The following MISP variants were observed in gnomAD, a reference collection of about 807,000 sequenced individuals.
MISP encodes the protein mitotic interactor and substrate of PLK1.
Under a neutral mutation model 49.3 loss-of-function variants are expected in MISP, and 51 were observed. The ratio of observed to expected loss-of-function variants is 1.03; its 90% CI spans 0.83 to 1.31. The LOEUF (loss-of-function observed/expected upper bound fraction) is 1.31, where lower values mean the gene tolerates loss of function less well. Among genes scored for constraint, MISP ranks in the 50% most tolerant of loss-of-function variants. The pLI is 0.00. For synonymous variants in MISP, 444 were observed against 392.6 expected (o/e 1.13, Z -1.55); for missense variants, 1,084 against 935.1 (o/e 1.16, Z -2.08).
chr19:758,226 C>A lies in MISP; in HGVS notation c.1280C>A (p.Pro427Gln), dbSNP rs769569779. Residue 427 changes from proline to glutamine, a missense_variant, in exon 2 of 5, where the codon CCG (proline) becomes CAG (glutamine). Coordinates refer to ENST00000215582, the MANE Select transcript of MISP (RefSeq NM_173481.4). ...VNRIPPDAYQ[P>Q]YLSPGTPQLE... ...CGCATCCCACCTGATGCCTACCAGC[C>A]GTACCTGAGCCCCGGGACCCCCCAG... 8 of 1,613,188 alleles carry A rather than the reference C, an allele frequency of 5.0e-6. No homozygotes were observed. The highest frequency in any genetic ancestry group is 1.7e-5 in the Admixed American group (1 of 59,992).
intron 1 of MISP, among the ~76,000 whole-genome samples, chr19:752,422 G>C (rs2033473871): frequency 6.6e-6 from 1 of 152,116 alleles, no homozygotes; most frequent in South Asian, 2.1e-4. Flanking sequence ...TACTTGGGAG[G>C]CTGAGGCAGG....
In MISP at chr19:763,657, C is replaced by T; in HGVS notation, c.*67C>T. On this transcript the variant is annotated 3_prime_UTR_variant, in exon 5 of 5. Coordinates refer to ENST00000215582, the MANE Select transcript of MISP (RefSeq NM_173481.4). ...TCGTGGGAACTGCCAAGACCATCGC[C>T]AAGCCCCCACCCTAGGAAATGGGTC... 8.6e-7 allele frequency: 1 copy of T among 1,156,718 alleles called. No individual in the cohort carries two copies. The highest frequency in any genetic ancestry group is 1.3e-6 in the Non-Finnish European group (1 of 785,818). 71.7% of individuals were successfully genotyped at this position (1,156,718 alleles called of 1,614,324 possible). A position where few individuals can be genotyped will look rare whatever the true frequency, so the allele number is the denominator to read the frequency against.
upstream of MISP, among the ~76,000 whole-genome samples, chr19:750,154 G>A (rs2033437032): frequency 1.3e-5 from 2 of 151,306 alleles, no homozygotes; most frequent in Middle Eastern, 3.4e-3. Flanking sequence ...CATCTCTCGG[G>A]GTGGCCTGGG....
chr19:758,635 G>C lies in MISP; in HGVS notation c.1689G>C (p.Glu563Asp). Residue 563 changes from glutamate (E) to aspartate (D), a missense_variant, in exon 2 of 5, where the codon GAG becomes GAC. Glu to Asp is a conservative substitution (Grantham distance 45, BLOSUM62 2). Transcript: ENST00000215582. ...TGCGCCGGGAGCAAGAGGTGGCAGAGGAGCGGAGAAATGCTCTCTTCCCAG... is the reference window on the plus strand; with the variant it reads ...TGCGCCGGGAGCAAGAGGTGGCAGACGAGCGGAGAAATGCTCTCTTCCCAG... ...SVLRREQEVAEERRNALFPEV... is the reference protein window; with the variant it reads ...SVLRREQEVADERRNALFPEV... The C allele has an allele frequency of 6.2e-7, 1 of 1,614,240 alleles. No homozygotes were observed. Among genetic ancestry groups the C allele is most frequent in the Non-Finnish European group, 8.5e-7 (1 of 1,180,036 alleles).
At chr19:752,929 A>G (rs894968441) in intron 1 of MISP, among the ~76,000 whole-genome samples, 1 of 151,928 alleles carries the variant, frequency 6.6e-6, no homozygotes, top group African/African-American at 2.4e-5. Flanking sequence ...AATGAGCCCG[A>G]CCCCCACGTC....
chr19:759,940 T>A lies in MISP; in HGVS notation c.1812T>A (p.Ser604=), dbSNP rs2033645296. The A allele has an allele frequency of 6.2e-7, 1 of 1,613,878 alleles. No homozygotes were observed. Among genetic ancestry groups the A allele is most frequent in the African/African-American group, 1.3e-5 (1 of 74,860 alleles). The change falls in exon 3 of 5, where the codon TCT becomes TCA. Residue 604 remains serine, a synonymous_variant. Transcript: ENST00000215582. ...CGGGCAGTTACTCGGTGTCTGAGTC[T>A]CCCTTCTTCAGCCCCATCCACCTAC... ...GITGSYSVSE[S]PFFSPIHLHS...
Sources: allele counts gnomAD v4.1 joint callset (sites outside exome capture counted in the v4.1 genomes callset), GRCh38; gene constraint gnomAD v4.1.1; transcripts MANE v1.5; gene names NCBI Gene and HGNC (gene_info 2026-07-23, HGNC 2026-07-21).